Variants in ABCF1 observed in about 807,000 individuals in gnomAD.
ABCF1 encodes ATP-binding cassette sub-family F member 1.
A neutral mutation model predicts 126.3 loss-of-function variants in ABCF1; 73 were observed. The observed-to-expected ratio is 0.58, with a 90% CI of 0.48 to 0.70. ABCF1 has a LOEUF of 0.70. ABCF1 is among the 30% of genes least tolerant of loss of function. The pLI, the probability that ABCF1 is intolerant of heterozygous loss-of-function variation, is 0.00. For synonymous variants in ABCF1, 345 were observed against 396.4 expected (o/e 0.87, Z 1.54); for missense variants, 786 against 1,057.5 (o/e 0.74, Z 3.56).
intron 7 of ABCF1, 44 bp from the exon 8 acceptor site, chr6:30,580,360 GAA>G (rs71533814): frequency 0.015 from 15,293 of 1,008,230 alleles, 52 homozygotes; most frequent in African/African-American, 0.037. Flanking sequence ...AAAAAAAAAA[GAA>G]AAAAAAAAAA....
In ABCF1 at chr6:30,579,972, G is replaced by A. The variant is rs774261944; in HGVS notation, c.531G>A (p.Lys177=). 6.2e-7 allele frequency: 1 copy of A among 1,612,824 alleles called. No homozygotes were observed. The highest frequency in any genetic ancestry group is 8.5e-7 in the Non-Finnish European group (1 of 1,179,914). Residue 177 remains lysine (K), a synonymous_variant, in exon 7 of 25, where the codon AAG becomes AAA. Coordinates refer to ENST00000326195, the MANE Select transcript of ABCF1 (RefSeq NM_001025091.2). ...AGCAGCCTGCACTCAAGGGCAAAAA[G>A]GGAAAGGAAGAGAAGTCAAAAGGGA... ...EEQQPALKGK[K]GKEEKSKGKA...
intron 9 of ABCF1, 150 bp from the exon 10 acceptor site, chr6:30,582,916 C>A: frequency 9.3e-7 from 1 of 1,077,398 alleles, no homozygotes; most frequent in Non-Finnish European, 1.3e-6. Flanking sequence ...TGGTCTCAAA[C>A]TCCTGAGCTC....
In ABCF1 at chr6:30,578,189, T is replaced by G. The variant is rs749262164; in HGVS notation, c.330T>G (p.Asp110Glu). ...RLKKLSVPTS[D>E]EEDEVPAPKP... ...AGAAGCTCTCAGTGCCAACCAGTGA[T>G]GAGGAGGATGAAGGTAAATGACCTG... Residue 110 changes from aspartate (D) to glutamate (E), a missense_variant, in exon 4 of 25, where the codon GAT becomes GAG. Physicochemically the swap from Asp to Glu is conservative, Grantham distance 45. Coordinates refer to ENST00000326195, the MANE Select transcript of ABCF1 (RefSeq NM_001025091.2). 6.2e-7 allele frequency: 1 copy of G among 1,613,732 alleles called. No individual in the cohort carries two copies. The highest frequency in any genetic ancestry group is 1.7e-5 in the Admixed American group (1 of 59,922).
chr6:30,572,346 A>T (rs1801296118), intron 1 of ABCF1, among the ~76,000 whole-genome samples: 1 of 152,188 alleles, frequency 6.6e-6, no homozygotes, highest in Non-Finnish European at 1.5e-5. Context: ...TCAAGGGACA[A>T]CCCAGTATGG....
intron 6 of ABCF1, among the ~76,000 whole-genome samples, chr6:30,579,678 G>T (rs1225952554): frequency 6.6e-6 from 1 of 151,926 alleles, no homozygotes; most frequent in Non-Finnish European, 1.5e-5. Context: ...GGATGGTCTC[G>T]ATCTCTTGAC....
intron 6 of ABCF1, 93 bp from the exon 7 acceptor site, chr6:30,579,838 A>G (rs976046472): frequency 2.4e-6 from 3 of 1,253,328 alleles, no homozygotes; most frequent in Non-Finnish European, 3.3e-6. Context: ...GTGTATGGTT[A>G]ACACAGTAGA....
chr6:30,577,307 AAAT>A, intron 1 of ABCF1, 99 bp from the exon 2 acceptor site: 4 of 1,107,398 alleles, frequency 3.6e-6, no homozygotes, highest in Non-Finnish European at 5.2e-6. Flanking sequence ...TAAGCTAGAA[AAAT>A]AATAAAATAG....
rs144682455 is a variant in ABCF1, at chr6:30,585,242, C to T, written c.1392-18C>T. On this transcript the variant is annotated intron_variant, in intron 14 of 24. Coordinates refer to ENST00000326195, the MANE Select transcript of ABCF1 (RefSeq NM_001025091.2). The stretch of plus-strand genomic sequence containing the variant: ...ATCTTTCTCTCCCTGACCCTGCCCT[C>T]TGCTACCCACCCTCTAGGGCACTGT... The T allele has an allele frequency of 3.5e-4, 560 of 1,610,186 alleles. 2 individuals carry two copies. The African/African-American group carries it at 6.0e-3, about 17-fold the overall frequency.
At chr6:30,571,699 A>G in intron 1 of ABCF1, 139 bp downstream of exon 1, 1 of 948,400 alleles carries the variant, frequency 1.1e-6, no homozygotes, top group Non-Finnish European at 1.6e-6. Context: ...TGGGCCCGGG[A>G]GGAGTTTGCC....
Position 30,590,150 on chromosome 6 carries a change from T to A in ABCF1, c.2235T>A (p.Gly745=), listed in dbSNP as rs1314565525. 1.8e-5 allele frequency: 29 copies of A among 1,612,940 alleles called. No homozygotes were observed. Among genetic ancestry groups the A allele is most frequent in the Non-Finnish European group, 2.4e-5 (28 of 1,180,032 alleles). The stretch of plus-strand genomic sequence containing the variant: ...AGCCCTCCCCTTCCTTTGCTACAGG[T>A]GGTCAGAAGGCGCGAGTTGTGTTTG... ...AHTIQICKLS[G]GQKARVVFAE... is the part of the protein sequence containing the mutation. Residue 745 remains glycine, a splice_region_variant and synonymous_variant, in exon 23 of 25, where the codon GGT becomes GGA. Transcript: ENST00000326195.
In ABCF1 at chr6:30,583,695, G is replaced by C; in HGVS notation, c.1003G>C (p.Val335Leu). 1 of 1,614,094 alleles carries C rather than the reference G, an allele frequency of 6.2e-7. No individual in the cohort carries two copies. Among genetic ancestry groups the C allele is most frequent in the East Asian group, 2.2e-5 (1 of 44,890 alleles). Residue 335 changes from valine (V) to leucine (L), a missense_variant, in exon 11 of 25, where the codon GTA becomes CTA. By Grantham distance (32) the Val-to-Leu change is conservative. Transcript: ENST00000326195. This position sits in a 1 kb window ranked among gnomAD's most constrained non-coding sequence, Gnocchi z 4.1. ...YIVAGRRYGL[V>L]GPNGKGKTTL... ...TGTAGCCGGCCGCCGCTACGGGCTG[G>C]TAGGACCCAATGGGTGAGAAGAGGA...
Position 30,583,278 on chromosome 6 carries a change from G to C in ABCF1, c.915+90G>C, listed in dbSNP as rs920701675. On this transcript the variant is annotated intron_variant, in intron 10 of 24. Coordinates refer to ENST00000326195, the MANE Select transcript of ABCF1 (RefSeq NM_001025091.2). The surrounding 1 kb of genome is among the most constrained non-coding windows in gnomAD (Gnocchi z 4.1). ...CTGAGTGGCTGTGGTGTGTGAATGGGTTAGTTCAGTGGGAAGAAAGATTGG... is the reference window on the plus strand; with the variant it reads ...CTGAGTGGCTGTGGTGTGTGAATGGCTTAGTTCAGTGGGAAGAAAGATTGG... 25 of 1,491,902 alleles carry C rather than the reference G, an allele frequency of 1.7e-5. No homozygotes were observed. In the African/African-American group the frequency reaches 3.1e-4, roughly 18 times the overall value. 92.4% of individuals were successfully genotyped at this position (1,491,902 alleles called of 1,614,324 possible).
Position 30,583,741 on chromosome 6 carries a change from G to A in ABCF1, c.1016+33G>A. 1.2e-6 allele frequency: 2 copies of A among 1,613,754 alleles called. No individual in the cohort carries two copies. The highest frequency in any genetic ancestry group is 1.7e-6 in the Non-Finnish European group (2 of 1,179,680). On this transcript the variant is annotated intron_variant, in intron 11 of 24. Transcript: ENST00000326195. This position sits in a 1 kb window ranked among gnomAD's most constrained non-coding sequence, Gnocchi z 4.1. Reference sequence around the variant, plus strand: ...GAGGAGGGAGCTGGAGGCAAAAAAGGGCCTGGAGGGAAAAGAAGAGATTTC... The same window carrying A: ...GAGGAGGGAGCTGGAGGCAAAAAAGAGCCTGGAGGGAAAAGAAGAGATTTC...
intron 8 of ABCF1, among the ~76,000 whole-genome samples, chr6:30,581,290 T>C (rs1469237781): frequency 6.6e-6 from 1 of 151,906 alleles, no homozygotes; most frequent in East Asian, 1.9e-4. Context: ...GTCTCCTTTG[T>C]GTGATAGAAG....
In ABCF1 at chr6:30,586,321, C is replaced by G; in HGVS notation, c.1885+16C>G. 6 of 1,600,896 alleles carry G rather than the reference C, an allele frequency of 3.7e-6. No homozygotes were observed. Among genetic ancestry groups the G allele is most frequent in the Non-Finnish European group, 5.1e-6 (6 of 1,173,208 alleles). ...GGTCTGCATGGTGAGTGCCGCGGGC[C>G]TCTGCTGCTCCACAGGAAGCACCGG... On this transcript the variant is annotated intron_variant, in intron 18 of 24. Coordinates refer to ENST00000326195, the MANE Select transcript of ABCF1 (RefSeq NM_001025091.2). The surrounding 1 kb of genome is among the most constrained non-coding windows in gnomAD (Gnocchi z 4.9).
rs776478965 is a variant in ABCF1, at chr6:30,583,765, T to A, written c.1017-40T>A. The A allele has an allele frequency of 6.2e-7, 1 of 1,613,452 alleles. No homozygotes were observed. The highest frequency in any genetic ancestry group is 1.1e-5 in the South Asian group (1 of 91,058). On this transcript the variant is annotated intron_variant, in intron 11 of 24. Transcript: ENST00000326195. This position sits in a 1 kb window ranked among gnomAD's most constrained non-coding sequence, Gnocchi z 4.1. ...GGGCCTGGAGGGAAAAGAAGAGATT[T>A]CTCAGTGGTGGCCAGGTCCTAATAG...
At position 30,574,938 on chromosome 6, in the gene ABCF1, C is replaced by T. The variant is rs1801419583; in HGVS notation, c.74-2471C>T. ...GCCTTTAATTATTGGAATTGTCTCT[C>T]GTTAACTCTAGTTTTTTGGAGAAGT... is the stretch of plus-strand genomic sequence containing the variant. On this transcript the variant is annotated intron_variant, in intron 1 of 24. Coordinates refer to ENST00000326195, the MANE Select transcript of ABCF1 (RefSeq NM_001025091.2). The surrounding 1 kb of genome is among the most constrained non-coding windows in gnomAD (Gnocchi z 4.3). 6.6e-6 allele frequency among the ~76,000 whole-genome samples: 1 copy of T among 151,988 alleles called. No individual in the cohort carries two copies. Among genetic ancestry groups the T allele is most frequent in the South Asian group, 2.1e-4 (1 of 4,818 alleles).
intron 1 of ABCF1, 78 bp downstream of exon 1, chr6:30,571,638 G>A: frequency 1.3e-6 from 2 of 1,491,660 alleles, no homozygotes; most frequent in South Asian, 2.4e-5. Context: ...AGAGGGTCAT[G>A]GGGCACGAGA....
At chr6:30,589,457 G>T (rs890933686) in intron 20 of ABCF1, 1 of 584,260 alleles carries the variant, frequency 1.7e-6, no homozygotes, top group Non-Finnish European at 3.0e-6. Context: ...CAAAAAATTA[G>T]CCGGGTGTGG....
Sources: gnomAD v4.1 joint callset for allele counts (sites outside exome capture counted in the v4.1 genomes callset) on GRCh38, gnomAD v4.1.1 for gene constraint, Gnocchi (gnomAD v3.1) non-coding constraint, MANE v1.5 for transcripts, NCBI Gene and HGNC (gene_info 2026-07-23, HGNC 2026-07-21) for gene names.